Variants in PLEKHM3 observed in about 807,000 individuals in gnomAD.
The protein encoded by PLEKHM3 is pleckstrin homology domain-containing family M member 3.
Under a neutral mutation model 81.8 loss-of-function variants are expected in PLEKHM3, and 45 were observed. The ratio of observed to expected loss-of-function variants is 0.55; its 90% CI spans 0.43 to 0.71. The LOEUF is 0.71. Among genes scored for constraint, PLEKHM3 ranks in the 30% least tolerant of loss-of-function variants. The pLI, the probability that PLEKHM3 is intolerant of heterozygous loss-of-function variation, is 0.00. For missense variants in PLEKHM3, 788 were observed against 924.3 expected (o/e 0.85, Z 1.91); for synonymous variants, 352 against 356.4 (o/e 0.99, Z 0.14).
intron 6 of PLEKHM3, among the ~76,000 whole-genome samples, chr2:207,888,653 C>T (rs941052720): frequency 1.3e-5 from 2 of 152,206 alleles, no homozygotes; most frequent in Admixed American, 6.5e-5. Flanking sequence ...CTCGGCCTCC[C>T]AAAGTGCTGG....
intron 1 of PLEKHM3, among the ~76,000 whole-genome samples, chr2:208,012,399 G>T (rs974697964): frequency 6.6e-6 from 1 of 152,192 alleles, no homozygotes; most frequent in African/African-American, 2.4e-5. Flanking sequence ...TTCATTTATT[G>T]TCAATTGTAG....
In PLEKHM3 at chr2:208,001,011, A is replaced by G. The variant is rs1003750219; in HGVS notation, c.610+19T>C. On this transcript the variant is annotated intron_variant, in intron 2 of 7. Coordinates refer to ENST00000427836, the MANE Select transcript of PLEKHM3 (RefSeq NM_001080475.3). ...AAGAAAAAAAAAAAAAAGGAAATAA[A>G]TAAAATTTAAAAACATACCAGTATT... 19 of 1,477,582 alleles carry G rather than the reference A, an allele frequency of 1.3e-5. No individual in the cohort carries two copies. Among genetic ancestry groups the G allele is most frequent in the Middle Eastern group, 1.8e-4 (1 of 5,486 alleles). The allele number at this position is 1,477,582 out of a possible 1,614,324, so 91.5% of individuals were successfully genotyped here. A position where few individuals can be genotyped will look rare whatever the true frequency, so the allele number is the denominator to read the frequency against.
chr2:207,966,656 G>C lies in PLEKHM3; in HGVS notation c.1546+9995C>G, dbSNP rs1690921649. Among the ~76,000 whole-genome samples, 4 of 152,064 alleles carry C rather than the reference G, an allele frequency of 2.6e-5. No homozygotes were observed. The South Asian group carries it at 8.3e-4, about 32-fold the overall frequency. ...CAACCTCCACCTCCCGGGTTCAAGA[G>C]GTTCTCCTACCTCAGCCTCCCGAGT... On this transcript the variant is annotated intron_variant, in intron 3 of 7. Transcript: ENST00000427836.
At chr2:207,923,855 G>A (rs868451235) in intron 5 of PLEKHM3, among the ~76,000 whole-genome samples, 622 of 19,040 alleles carry the variant, frequency 0.033, 50 homozygotes, top group African/African-American at 0.08. Context: ...ACACACGCAC[G>A]CACACACACA....
chr2:207,958,704 G>A (rs1690613133), intron 3 of PLEKHM3, among the ~76,000 whole-genome samples: 1 of 152,026 alleles, frequency 6.6e-6, no homozygotes, highest in African/African-American at 2.4e-5. Context: ...AAGGTCCGGA[G>A]TTCGACAGCA....
intron 4 of PLEKHM3, among the ~76,000 whole-genome samples, chr2:207,939,082 C>T (rs771404395): frequency 6.6e-6 from 1 of 152,156 alleles, no homozygotes. Flanking sequence ...TCACAGGGCT[C>T]GGATTGCCTC....
At chr2:208,012,996 G>A (rs543787081) in intron 1 of PLEKHM3, among the ~76,000 whole-genome samples, 14 of 152,124 alleles carry the variant, frequency 9.2e-5, no homozygotes, top group Non-Finnish European at 2.1e-4. Context: ...ATAGCTAGTG[G>A]AAAGTAAGAC....
At chr2:207,998,472 C>T (rs1027378089) in intron 2 of PLEKHM3, among the ~76,000 whole-genome samples, 2 of 152,102 alleles carry the variant, frequency 1.3e-5, no homozygotes, top group South Asian at 2.1e-4. Context: ...TGATTTACAC[C>T]ACTGCACTCC....
At chr2:207,974,835 C>CT (rs1239861236) in intron 3 of PLEKHM3, among the ~76,000 whole-genome samples, 7,758 of 142,874 alleles carry the variant, frequency 0.054, 647 homozygotes, top group African/African-American at 0.18. Context: ...AGTAGAGCTT[C>CT]TTTTTTTTTT....
At chr2:207,832,167 T>TAA (rs1015051151) in intron 7 of PLEKHM3, among the ~76,000 whole-genome samples, 1 of 151,702 alleles carries the variant, frequency 6.6e-6, no homozygotes, top group Non-Finnish European at 1.5e-5. Flanking sequence ...AAGCATGAGA[T>TAA]AAAAAAAAAT....
chr2:208,014,124 A>G (rs1278015910), intron 1 of PLEKHM3, among the ~76,000 whole-genome samples: 1 of 152,202 alleles, frequency 6.6e-6, no homozygotes, highest in Non-Finnish European at 1.5e-5. Context: ...TTAATCTGTG[A>G]CAACAACCTT....
At position 207,858,181 on chromosome 2, in the gene PLEKHM3, T is replaced by TATA. The variant is rs58145531; in HGVS notation, c.2108+2923_2108+2924insTAT. Among the ~76,000 whole-genome samples the TATA allele has an allele frequency of 6.7e-3, 649 of 97,080 alleles. 11 individuals are homozygous for TATA. Among genetic ancestry groups the TATA allele is most frequent in the Admixed American group, 0.017 (169 of 10,022 alleles). The allele number at this position is 97,080 out of a possible 152,430, so 63.7% of individuals were successfully genotyped here. A position where few individuals can be genotyped will look rare whatever the true frequency, so the allele number is the denominator to read the frequency against. On this transcript the variant is annotated intron_variant, in intron 7 of 7. Coordinates refer to ENST00000427836, the MANE Select transcript of PLEKHM3 (RefSeq NM_001080475.3). ...GTGTGTGTGTGTGTGTGTGTATATATTTTTTTTTTTGAGATGAAGTCTCAC... is the reference window on the plus strand; with the variant it reads ...GTGTGTGTGTGTGTGTGTGTATATATATATTTTTTTTTTGAGATGAAGTCTCAC...
intron 7 of PLEKHM3, among the ~76,000 whole-genome samples, chr2:207,834,549 C>G (rs1010110037): frequency 4.6e-5 from 7 of 151,952 alleles, no homozygotes; most frequent in Non-Finnish European, 8.8e-5. Flanking sequence ...CCTCAGCCTC[C>G]CAACTAGCTG....
At chr2:207,840,341 C>A (rs1490561493) in intron 7 of PLEKHM3, among the ~76,000 whole-genome samples, 2 of 152,016 alleles carry the variant, frequency 1.3e-5, no homozygotes, top group Non-Finnish European at 2.9e-5. Context: ...CAAGTGTGTG[C>A]CACCATGACT....
chr2:207,822,024 T>C lies in PLEKHM3; in HGVS notation c.*6295A>G, dbSNP rs1237650022. ...TTGTTTTTTGAGATGGGTCTCACCA[T>C]ATTGCACAGGCTCCTGGGCTCAAGC... On this transcript the variant is annotated 3_prime_UTR_variant, in exon 8 of 8. Coordinates refer to ENST00000427836, the MANE Select transcript of PLEKHM3 (RefSeq NM_001080475.3). 1.3e-5 allele frequency: 2 copies of C among 152,158 alleles called. No individual in the cohort carries two copies. Among genetic ancestry groups the C allele is most frequent in the Admixed American group, 1.3e-4 (2 of 15,262 alleles). 9.4% of individuals were successfully genotyped at this position (152,158 alleles called of 1,614,324 possible).
In PLEKHM3 at chr2:207,871,757, T is replaced by C. The variant is rs114955475; in HGVS notation, c.1951-10495A>G. On this transcript the variant is annotated intron_variant, in intron 6 of 7. Coordinates refer to ENST00000427836, the MANE Select transcript of PLEKHM3 (RefSeq NM_001080475.3). ...AGTAAGTACAAGAATGTGGTCCAAATATTCTGAGCTCAAAACAGGTTATAT... is the reference window on the plus strand; with the variant it reads ...AGTAAGTACAAGAATGTGGTCCAAACATTCTGAGCTCAAAACAGGTTATAT... 2.9e-3 allele frequency among the ~76,000 whole-genome samples: 444 copies of C among 152,284 alleles called. 6 individuals are homozygous for C. The highest frequency in any genetic ancestry group is 0.01 in the African/African-American group (423 of 41,564).
At chr2:207,875,065 T>C (rs1559216616) in intron 6 of PLEKHM3, among the ~76,000 whole-genome samples, 2 of 151,830 alleles carry the variant, frequency 1.3e-5, no homozygotes, top group Non-Finnish European at 2.9e-5. Context: ...TATAAAAAAG[T>C]AATAAATCTA....
intron 7 of PLEKHM3, among the ~76,000 whole-genome samples, chr2:207,831,483 G>A (rs759071394): frequency 1.2e-4 from 19 of 152,244 alleles, no homozygotes; most frequent in Non-Finnish European, 2.2e-4. Context: ...TTGTAGCTGA[G>A]TGACAGTGGG....
rs139353490 is a variant in PLEKHM3, at chr2:207,898,757, G to T, written c.1950+9757C>A. ...AAACATTTTAAAAATCAGCCGTAGC[G>T]TGGTGGCGCGTGCCTATGGTTTCAG... is the stretch of plus-strand genomic sequence containing the variant. On this transcript the variant is annotated intron_variant, in intron 6 of 7. Transcript: ENST00000427836. Among the ~76,000 whole-genome samples, 1,339 of 152,102 alleles carry T rather than the reference G, an allele frequency of 8.8e-3. 17 individuals carry two copies. The highest frequency in any genetic ancestry group is 0.03 in the African/African-American group (1,259 of 41,478).
Sources: allele counts gnomAD v4.1 joint callset (sites outside exome capture counted in the v4.1 genomes callset), GRCh38; gene constraint gnomAD v4.1.1; transcripts MANE v1.5; gene names NCBI Gene and HGNC (gene_info 2026-07-23, HGNC 2026-07-21).